The following NPIPB13 variants were observed in gnomAD, a reference collection of about 807,000 sequenced individuals.
NPIPB13 encodes the protein nuclear pore complex interacting protein family, member B13.
intron 2 of NPIPB13, among the ~76,000 whole-genome samples, chr16:30,237,949 C>CT (rs2073577058): frequency 4.6e-5 from 4 of 86,052 alleles, no homozygotes; most frequent in African/African-American, 2.3e-4. Context: ...GCTGGGAAGA[C>CT]TGAGAGTTCA....
At chr16:30,230,877 T>TAA (rs1200193892) in intron 5 of NPIPB13, among the ~76,000 whole-genome samples, 169 of 54,990 alleles carry the variant, frequency 3.1e-3, no homozygotes, top group African/African-American at 0.011. Flanking sequence ...ATCTCAAAAT[T>TAA]AAAAAAAAAA....
At chr16:30,246,023 CTATT>C, upstream of NPIPB13, 1 of 63,264 alleles carries the variant, frequency 1.6e-5, no homozygotes, top group Admixed American at 1.7e-4. Context: ...AATTATAACC[CTATT>C]TAATCACACA....
intron 2 of NPIPB13, among the ~76,000 whole-genome samples, chr16:30,237,461 G>T: frequency 6.1e-5 from 1 of 16,352 alleles, no homozygotes; most frequent in East Asian, 1.3e-3. Context: ...CTTCAGCCTG[G>T]GTGACAGAGC....
intron 2 of NPIPB13, among the ~76,000 whole-genome samples, chr16:30,238,430 C>CT (rs2073581712): frequency 3.1e-5 from 2 of 65,238 alleles, no homozygotes; most frequent in African/African-American, 1.5e-4. Context: ...AATCCCAGCA[C>CT]TGGGAGGCTG....
intron 3 of NPIPB13, among the ~76,000 whole-genome samples, chr16:30,232,343 A>G (rs1370952771): frequency 4.9e-5 from 4 of 82,446 alleles, no homozygotes; most frequent in Non-Finnish European, 6.3e-5. Context: ...GCATGCCTGT[A>G]ATCCCAGCTA....
chr16:30,241,047 CTA>C (rs1391347207), intron 2 of NPIPB13, among the ~76,000 whole-genome samples: 2 of 21,138 alleles, frequency 9.5e-5, no homozygotes, highest in Non-Finnish European at 1.8e-4. Flanking sequence ...TTACCATTTA[CTA>C]TGACATAAGG....
In NPIPB13 at chr16:30,232,569, C is replaced by T. The variant is rs1361112086; in HGVS notation, c.250-722G>A. Among the ~76,000 whole-genome samples, 6 of 81,970 alleles carry T rather than the reference C, an allele frequency of 7.3e-5. No homozygotes were observed. In the South Asian group the frequency reaches 1.4e-3, roughly 19 times the overall value. 53.8% of individuals were successfully genotyped at this position (81,970 alleles called of 152,430 possible). On this transcript the variant is annotated intron_variant, in intron 3 of 7. Transcript: ENST00000520915. ...AATCACAAGGTCAAGAGATGGAGAC[C>T]ATCCTGGGCAACATGGTGAAACCCC...
intron 2 of NPIPB13, among the ~76,000 whole-genome samples, chr16:30,245,116 TG>T (rs1395243949): frequency 1.4e-4 from 21 of 152,196 alleles, no homozygotes; most frequent in Non-Finnish European, 1.0e-4. Flanking sequence ...CCCAAAATGC[TG>T]GGATTACAGG....
upstream of NPIPB13, among the ~76,000 whole-genome samples, chr16:30,246,468 G>A (rs1408908723): frequency 6.7e-6 from 1 of 148,588 alleles, no homozygotes; most frequent in Non-Finnish European, 1.5e-5. Flanking sequence ...GTTCACCTAA[G>A]GACTTTTGTA....
exon 8 of NPIPB13, chr16:30,223,019 TG>T: frequency 3.4e-6 from 1 of 292,748 alleles, no homozygotes; most frequent in Non-Finnish European, 6.0e-6. Context: ...TTGAGTGCAC[TG>T]GCCTCTTCTC....
At chr16:30,232,495 C>T (rs529813654) in intron 3 of NPIPB13, among the ~76,000 whole-genome samples, 68 of 142,068 alleles carry the variant, frequency 4.8e-4, no homozygotes, top group Middle Eastern at 3.6e-3. Context: ...AGGCCAGATG[C>T]GGTAGCTCAC....
chr16:30,241,653 C>T (rs1472877958), intron 2 of NPIPB13, among the ~76,000 whole-genome samples: 1 of 30,636 alleles, frequency 3.3e-5, no homozygotes, highest in Non-Finnish European at 7.3e-5. Context: ...TGGTGAAACC[C>T]CATCTCTACT....
At chr16:30,232,534 G>A (rs540043316) in intron 3 of NPIPB13, among the ~76,000 whole-genome samples, 7 of 113,970 alleles carry the variant, frequency 6.1e-5, no homozygotes, top group South Asian at 5.2e-4. Flanking sequence ...TTGGGAGGCC[G>A]AGGCAGGTGA....
intron 2 of NPIPB13, among the ~76,000 whole-genome samples, chr16:30,244,467 C>T (rs2073601389): frequency 9.9e-6 from 1 of 100,562 alleles, no homozygotes; most frequent in South Asian, 3.8e-4. Flanking sequence ...GAGTGAAACT[C>T]TGTCTCAAAA....
chr16:30,232,764 C>CA (rs1360085862), intron 3 of NPIPB13, among the ~76,000 whole-genome samples: 219 of 13,764 alleles, frequency 0.016, 9 homozygotes, highest in Middle Eastern at 0.042. Flanking sequence ...GAATCCGTCT[C>CA]AAAAAAAAAA....
upstream of NPIPB13, among the ~76,000 whole-genome samples, chr16:30,246,437 T>C (rs2073613651): frequency 6.6e-6 from 1 of 151,460 alleles, no homozygotes; most frequent in Non-Finnish European, 1.5e-5. Context: ...TGGAGGTTTC[T>C]GCTACATCTG....
At chr16:30,230,480 G>A (rs1445758026) in intron 5 of NPIPB13, among the ~76,000 whole-genome samples, 4 of 39,204 alleles carry the variant, frequency 1.0e-4, no homozygotes, top group Non-Finnish European at 2.6e-4. Flanking sequence ...CGAGGTGTGC[G>A]GATCATGATG....
intron 2 of NPIPB13, among the ~76,000 whole-genome samples, chr16:30,244,477 AAATATATGTG>A (rs2073601554): frequency 1.6e-5 from 1 of 64,320 alleles, no homozygotes; most frequent in African/African-American, 5.7e-5. Context: ...CTGTCTCAAA[AAATATATGTG>A]TGTGTGTGTG....
At chr16:30,238,014 T>TGATTAAAAAA (rs2073577738) in intron 2 of NPIPB13, among the ~76,000 whole-genome samples, 1 of 44,516 alleles carries the variant, frequency 2.2e-5, no homozygotes, top group South Asian at 5.3e-4. Flanking sequence ...GGTTCACGCC[T>TGATTAAAAAA]GTAATCCCAA....
Sources: allele counts gnomAD v4.1 joint callset (sites outside exome capture counted in the v4.1 genomes callset), GRCh38; gene constraint gnomAD v4.1.1; transcripts MANE v1.5; gene names NCBI Gene and HGNC (gene_info 2026-07-23, HGNC 2026-07-21).